The following FAM234A variants were observed in gnomAD, a reference collection of about 807,000 sequenced individuals.
FAM234A encodes the protein family with sequence similarity 234 member A.
In FAM234A, 42 loss-of-function variants were observed where a neutral mutation model predicts 49.1. That is an observed-to-expected ratio of 0.86 (90% CI 0.67 to 1.11). The LOEUF (loss-of-function observed/expected upper bound fraction) is 1.11. Ranked by LOEUF, FAM234A falls within the 50% of genes least tolerant of loss-of-function variation. The probability of loss-of-function intolerance (pLI) is 0.00; values close to 1 mark genes in which losing one functional copy is unlikely to be tolerated. For missense variants in FAM234A, 815 were observed against 745.2 expected (o/e 1.09, Z -1.09); for synonymous variants, 369 against 316.2 (o/e 1.17, Z -1.77).
At chr16:258,824 G>T (rs1030104800) in intron 3 of FAM234A, among the ~76,000 whole-genome samples, 8 of 152,112 alleles carry the variant, frequency 5.3e-5, no homozygotes, top group Non-Finnish European at 8.8e-5. Flanking sequence ...AGCTCTGTCG[G>T]CCAGGCTGGA....
chr16:263,953 C>T, intron 10 of FAM234A, 63 bp from the exon 11 acceptor site: 1 of 1,553,968 alleles, frequency 6.4e-7, no homozygotes, highest in Non-Finnish European at 8.8e-7. Context: ...TGTGCCTGTG[C>T]AAGCCTCGAG....
intron 2 of FAM234A, among the ~76,000 whole-genome samples, chr16:250,801 A>AG (rs1402292460): frequency 1.3e-5 from 2 of 152,106 alleles, no homozygotes; most frequent in African/African-American, 4.8e-5. Flanking sequence ...TTCACACTAC[A>AG]GGGGACCTTC....
chr16:265,346 T>C lies in FAM234A; in HGVS notation c.*324T>C. 3.5e-6 allele frequency: 4 copies of C among 1,131,700 alleles called. No individual in the cohort carries two copies. The highest frequency in any genetic ancestry group is 4.3e-6 in the Non-Finnish European group (4 of 921,950). 70.1% of individuals were successfully genotyped at this position (1,131,700 alleles called of 1,614,324 possible). The stretch of plus-strand genomic sequence containing the variant: ...GGCCACCTTGGGCAGAGCTGGGTCA[T>C]GCAGCACCCCATCCTTACCCGGTGC... On this transcript the variant is annotated 3_prime_UTR_variant, in exon 13 of 13. Transcript: ENST00000399932.
chr16:250,519 A>G (rs936547500), intron 2 of FAM234A, among the ~76,000 whole-genome samples: 1 of 152,098 alleles, frequency 6.6e-6, no homozygotes, highest in African/African-American at 2.4e-5. Flanking sequence ...TTTGATAAGC[A>G]CACCTTTTCT....
At chr16:268,568 A>C, downstream of FAM234A, 1 of 595,908 alleles carries the variant, frequency 1.7e-6, no homozygotes. Flanking sequence ...GATCCACCCT[A>C]TGGAATCGGG....
At chr16:256,494 C>G (rs1391848492) in intron 3 of FAM234A, among the ~76,000 whole-genome samples, 1 of 152,210 alleles carries the variant, frequency 6.6e-6, no homozygotes, top group East Asian at 1.9e-4. Context: ...TCTATTCTTG[C>G]ATCTTCTTTG....
At chr16:267,193 A>G (rs1355507707), downstream of FAM234A, among the ~76,000 whole-genome samples, 1 of 152,016 alleles carries the variant, frequency 6.6e-6, no homozygotes, top group Non-Finnish European at 1.5e-5. Flanking sequence ...CAGGCTGGGG[A>G]CAACTGCCCC....
At chr16:268,085 C>A (rs932229679), downstream of FAM234A, among the ~76,000 whole-genome samples, 4 of 151,038 alleles carry the variant, frequency 2.6e-5, no homozygotes, top group Non-Finnish European at 4.4e-5. Context: ...TGCGTACACA[C>A]ACTTGTGCCT....
intron 11 of FAM234A, 151 bp from the exon 12 acceptor site, chr16:264,463 G>T (rs2051612106): frequency 2.9e-6 from 2 of 695,348 alleles, no homozygotes; most frequent in Non-Finnish European, 4.9e-6. Context: ...GGAGGACCTG[G>T]GAGGTGGCCA....
At chr16:258,776 G>A (rs530494926) in intron 3 of FAM234A, among the ~76,000 whole-genome samples, 4 of 152,256 alleles carry the variant, frequency 2.6e-5, no homozygotes, top group South Asian at 2.1e-4. Context: ...AGCTGGGCCC[G>A]GCCTATTTTT....
chr16:262,404 C>A lies in FAM234A; in HGVS notation c.842-20C>A. On this transcript the variant is annotated intron_variant, in intron 7 of 12. Transcript: ENST00000399932. The stretch of plus-strand genomic sequence containing the variant: ...ACAGCGTGACCCTGGTGACCTCGGG[C>A]CCTTCTGTGTTTTGAATAGCAAGCT... 1 of 1,582,734 alleles carries A rather than the reference C, an allele frequency of 6.3e-7. No individual in the cohort carries two copies. Among genetic ancestry groups the A allele is most frequent in the Admixed American group, 1.8e-5 (1 of 56,384 alleles).
At chr16:259,430 TC>T (rs2051367081) in intron 3 of FAM234A, 52 bp from the exon 4 acceptor site, 1 of 1,044,950 alleles carries the variant, frequency 9.6e-7, no homozygotes, top group Non-Finnish European at 1.5e-6. Context: ...ACCTGATCGT[TC>T]CTGGAAACCA....
chr16:245,316 G>C (rs1456942354), intron 1 of FAM234A, among the ~76,000 whole-genome samples: 1 of 152,150 alleles, frequency 6.6e-6, no homozygotes, highest in Non-Finnish European at 1.5e-5. Flanking sequence ...CTGCCCTCCA[G>C]CCTGGGCCAC....
intron 3 of FAM234A, among the ~76,000 whole-genome samples, chr16:258,290 A>G (rs1038524274): frequency 2.0e-5 from 3 of 152,144 alleles, no homozygotes; most frequent in African/African-American, 7.2e-5. Context: ...TCCTAGGCAG[A>G]GGTCCCTGCG....
intron 2 of FAM234A, among the ~76,000 whole-genome samples, chr16:250,801 A>C (rs2050972242): frequency 6.6e-6 from 1 of 152,106 alleles, no homozygotes; most frequent in Non-Finnish European, 1.5e-5. Flanking sequence ...TTCACACTAC[A>C]GGGGACCTTC....
Position 265,115 on chromosome 16 carries a change from C to T in FAM234A, c.*93C>T, listed in dbSNP as rs1049572140. 2.7e-6 allele frequency: 4 copies of T among 1,488,824 alleles called. No individual in the cohort carries two copies. Among genetic ancestry groups the T allele is most frequent in the Admixed American group, 2.2e-5 (1 of 44,720 alleles). 92.2% of individuals were successfully genotyped at this position (1,488,824 alleles called of 1,614,324 possible). A position where few individuals can be genotyped will look rare whatever the true frequency, so the allele number is the denominator to read the frequency against. ...CTTCCCTGGGTCTCTGCACTGACTCCCCCACTCCTGACCCTGGTGATGGTC... is the reference window on the plus strand; with the variant it reads ...CTTCCCTGGGTCTCTGCACTGACTCTCCCACTCCTGACCCTGGTGATGGTC... On this transcript the variant is annotated 3_prime_UTR_variant, in exon 13 of 13. Transcript: ENST00000399932.
chr16:260,365 G>C (rs1192389021), intron 5 of FAM234A: 1 of 609,514 alleles, frequency 1.6e-6, no homozygotes, highest in African/African-American at 1.8e-5. Flanking sequence ...CAGCTGCACT[G>C]TGTCTGTTAC....
intron 1 of FAM234A, among the ~76,000 whole-genome samples, chr16:245,980 G>C (rs2050787925): frequency 1.3e-5 from 2 of 152,046 alleles, no homozygotes. Context: ...GCTTAGGTGG[G>C]CAGATCACGA....
chr16:259,416 C>G (rs1161077587), intron 3 of FAM234A, 67 bp from the exon 4 acceptor site: 1 of 911,322 alleles, frequency 1.1e-6, no homozygotes. Flanking sequence ...GTAGGTCGTG[C>G]TGGACCTGAT....
Sources: gnomAD v4.1 joint callset for allele counts (sites outside exome capture counted in the v4.1 genomes callset) on GRCh38, gnomAD v4.1.1 for gene constraint, MANE v1.5 for transcripts, NCBI Gene and HGNC (gene_info 2026-07-23, HGNC 2026-07-21) for gene names.